The following SPINK2 variants were observed in gnomAD, a reference collection of about 807,000 sequenced individuals.
SPINK2 encodes the protein serine peptidase inhibitor Kazal type 2.
A neutral mutation model predicts 13.5 loss-of-function variants in SPINK2; 8 were observed. The observed-to-expected ratio is 0.59, with a 90% CI of 0.35 to 1.07. SPINK2 has a LOEUF of 1.07. Among genes scored for constraint, SPINK2 ranks in the 50% least tolerant of loss-of-function variants. The pLI, the probability that SPINK2 is intolerant of heterozygous loss-of-function variation, is 0.02. For synonymous variants in SPINK2, 76 were observed against 74.7 expected (o/e 1.02, Z -0.09); for missense variants, 148 against 180.3 (o/e 0.82, Z 1.03).
rs1475718112 is a variant in SPINK2, at chr4:56,821,492, C to A, written c.171G>T (p.Ala57=). Residue 57 remains alanine (A), a synonymous_variant, in exon 1 of 4, where the codon GCG becomes GCT. Coordinates refer to ENST00000506738, the MANE Select transcript of SPINK2 (RefSeq NM_001271718.2). ...CCTCTGGGGAACCGCCAGTAACGGG[C>A]GCGCGGGTACCGTCGCCGAGGCCGC... ...APGGLGDGTR[A]PVTGGSPEDL... The A allele has an allele frequency of 2.0e-6, 3 of 1,535,678 alleles. No homozygotes were observed. Among genetic ancestry groups the A allele is most frequent in the Admixed American group, 2.0e-5 (1 of 50,298 alleles).
intron 2 of SPINK2, among the ~76,000 whole-genome samples, chr4:56,819,286 A>G (rs1056796897): frequency 1.3e-5 from 2 of 152,048 alleles, no homozygotes; most frequent in South Asian, 4.1e-4. Flanking sequence ...TCCTGGAAGA[A>G]GCCTACTCTG....
At chr4:56,817,535 C>T (rs974359720) in intron 2 of SPINK2, among the ~76,000 whole-genome samples, 3 of 152,146 alleles carry the variant, frequency 2.0e-5, no homozygotes, top group Non-Finnish European at 4.4e-5. Context: ...CACATTTCCT[C>T]ATTTTGAAAC....
chr4:56,820,695 TC>T (rs1717864294), intron 1 of SPINK2, 116 bp from the exon 2 acceptor site: 1 of 826,062 alleles, frequency 1.2e-6, no homozygotes, highest in Non-Finnish European at 1.9e-6. Flanking sequence ...GGTCTTGACC[TC>T]CCGGGCTTAA....
chr4:56,820,031 T>C (rs141367459), intron 2 of SPINK2, among the ~76,000 whole-genome samples: 39 of 152,296 alleles, frequency 2.6e-4, no homozygotes, highest in African/African-American at 8.9e-4. Flanking sequence ...CCATAGAATG[T>C]TGTGCTTCTA....
At chr4:56,811,427 T>A (rs1344114042) in intron 3 of SPINK2, among the ~76,000 whole-genome samples, 1 of 152,114 alleles carries the variant, frequency 6.6e-6, no homozygotes, top group East Asian at 1.9e-4. Context: ...GAAACCAGCC[T>A]GGCCAACATG....
intron 1 of SPINK2, 120 bp downstream of exon 1, chr4:56,821,338 A>T: frequency 7.1e-7 from 1 of 1,399,648 alleles, no homozygotes; most frequent in Non-Finnish European, 9.2e-7. Context: ...CTACTTTAAC[A>T]GAGAAAGCGC....
chr4:56,819,450 T>A (rs1717742022), intron 2 of SPINK2, among the ~76,000 whole-genome samples: 1 of 152,112 alleles, frequency 6.6e-6, no homozygotes. Flanking sequence ...ACCTGCAGCA[T>A]CCTGTCCAGG....
intron 3 of SPINK2, among the ~76,000 whole-genome samples, chr4:56,811,258 C>G (rs1021005712): frequency 6.6e-6 from 1 of 152,134 alleles, no homozygotes; most frequent in Non-Finnish European, 1.5e-5. Flanking sequence ...TGAGAACTAC[C>G]ATACCACCTT....
At chr4:56,820,228 TTTGG>T (rs1157024127) in intron 2 of SPINK2, among the ~76,000 whole-genome samples, 3 of 152,232 alleles carry the variant, frequency 2.0e-5, no homozygotes, top group Non-Finnish European at 2.9e-5. Context: ...CTTGTTCTCA[TTTGG>T]TTGGTCTCCA....
At chr4:56,810,569 T>G (rs1716894291) in intron 3 of SPINK2, 1 of 202,336 alleles carries the variant, frequency 4.9e-6, no homozygotes, top group South Asian at 8.4e-5. Flanking sequence ...CTGGGAGCAG[T>G]GGCTCACGCC....
intron 2 of SPINK2, 141 bp from the exon 3 acceptor site, chr4:56,811,935 TTC>T (rs377748958): frequency 1.5e-4 from 50 of 325,694 alleles, no homozygotes; most frequent in African/African-American, 8.0e-4. Context: ...GAAAAATTTT[TTC>T]TTTTTTTTTT....
chr4:56,810,298 C>T, intron 3 of SPINK2, 114 bp from the exon 4 acceptor site: 1 of 835,850 alleles, frequency 1.2e-6, no homozygotes, highest in Non-Finnish European at 1.8e-6. Flanking sequence ...CCTTCCACAG[C>T]TACACTTATT....
In SPINK2 at chr4:56,811,677, C is replaced by A; in HGVS notation, c.359+8G>T. Reference sequence around the variant, plus strand: ...CTTGGCTAGTCTACAGCTGTAAAATCATGTTACCTGATTTTCATGCACAGA... The same window carrying A: ...CTTGGCTAGTCTACAGCTGTAAAATAATGTTACCTGATTTTCATGCACAGA... On this transcript the variant is annotated splice_region_variant and intron_variant, in intron 3 of 3. Coordinates refer to ENST00000506738, the MANE Select transcript of SPINK2 (RefSeq NM_001271718.2). 1 of 1,569,098 alleles carries A rather than the reference C, an allele frequency of 6.4e-7. No individual in the cohort carries two copies. The highest frequency in any genetic ancestry group is 1.1e-5 in the South Asian group (1 of 87,004).
chr4:56,820,515 T>TA, intron 2 of SPINK2, 21 bp downstream of exon 2: 1 of 1,597,602 alleles, frequency 6.3e-7, no homozygotes, highest in Non-Finnish European at 8.6e-7. Flanking sequence ...GTAGAAACAG[T>TA]AGAAGTGGTT....
intron 2 of SPINK2, among the ~76,000 whole-genome samples, chr4:56,817,588 C>T (rs1328942709): frequency 1.3e-5 from 2 of 152,022 alleles, no homozygotes; most frequent in African/African-American, 2.4e-5. Flanking sequence ...CGGTGGTTCA[C>T]GCTTGTAATC....
chr4:56,821,616 G>A lies in SPINK2; in HGVS notation c.47C>T (p.Thr16Ile), dbSNP rs1416500021. ...ACCGCTCCGAGCGCTACCTGCGAAGGTAACTGCCAGGAGCAGCAGCGCCAA... is the reference window on the plus strand; with the variant it reads ...ACCGCTCCGAGCGCTACCTGCGAAGATAACTGCCAGGAGCAGCAGCGCCAA... Reference protein sequence around the residue: ...LRLALLLLAVTFAGSARSGPG... With the variant: ...LRLALLLLAVIFAGSARSGPG... The change falls in exon 1 of 4, where the codon ACC becomes ATC. Residue 16 changes from threonine (T) to isoleucine (I), a missense_variant. By Grantham distance (89) the Thr-to-Ile change is moderately conservative (BLOSUM62 -1). Transcript: ENST00000506738. The A allele has an allele frequency of 1.3e-6, 2 of 1,549,584 alleles. No homozygotes were observed. The highest frequency in any genetic ancestry group is 2.7e-5 in the African/African-American group (2 of 72,924).
upstream of SPINK2, chr4:56,821,788 CGGTAG>C: frequency 1.0e-6 from 1 of 1,004,284 alleles, no homozygotes; most frequent in Non-Finnish European, 1.3e-6. Flanking sequence ...GGAAAAGCAG[CGGTAG>C]GTGGCGAGGG....
In SPINK2 at chr4:56,810,016, A is replaced by G; in HGVS notation, c.*123T>C. The G allele has an allele frequency of 6.6e-7, 1 of 1,523,466 alleles. No individual in the cohort carries two copies. Among genetic ancestry groups the G allele is most frequent in the Non-Finnish European group, 8.8e-7 (1 of 1,140,596 alleles). 94.4% of individuals were successfully genotyped at this position (1,523,466 alleles called of 1,614,324 possible). On this transcript the variant is annotated 3_prime_UTR_variant, in exon 4 of 4. Coordinates refer to ENST00000506738, the MANE Select transcript of SPINK2 (RefSeq NM_001271718.2). ...ATGGCTGTCTTCCATACCTGCTCTC[A>G]GAAAATGTGTGTTAACAAATCTCAT...
chr4:56,815,884 A>C (rs2109437723), intron 2 of SPINK2, among the ~76,000 whole-genome samples: 1 of 151,686 alleles, frequency 6.6e-6, no homozygotes, highest in African/African-American at 2.4e-5. Flanking sequence ...TAGGAGGATG[A>C]CTTGAGGCCA....
Sources: allele counts gnomAD v4.1 joint callset (sites outside exome capture counted in the v4.1 genomes callset), GRCh38; gene constraint gnomAD v4.1.1; transcripts MANE v1.5; gene names NCBI Gene and HGNC (gene_info 2026-07-23, HGNC 2026-07-21).